FAM174B: variants seen among roughly 807,000 people sequenced by gnomAD.
FAM174B encodes family with sequence similarity 174 member B, also known as membrane protein FAM174B.
Under a neutral mutation model 10.9 loss-of-function variants are expected in FAM174B, and 12 were observed. That is an observed-to-expected ratio of 1.10 (90% CI 0.71 to 1.79). The LOEUF is 1.79. Ranked by LOEUF, FAM174B falls within the 40% of genes most tolerant of loss-of-function variation. The probability of loss-of-function intolerance (pLI) is 0.00; values close to 1 mark genes in which losing one functional copy is unlikely to be tolerated. For synonymous variants in FAM174B, 132 were observed against 115.8 expected (o/e 1.14, Z -0.90); for missense variants, 266 against 233.3 (o/e 1.14, Z -0.91).
intron 1 of FAM174B, among the ~76,000 whole-genome samples, chr15:92,631,388 T>A (rs796106273): frequency 2.8e-5 from 1 of 36,058 alleles, no homozygotes; most frequent in Admixed American, 5.0e-4. Context: ...ATATTATATA[T>A]TATATATTAT....
intron 2 of FAM174B, among the ~76,000 whole-genome samples, chr15:92,629,515 G>A (rs1298155313): frequency 6.6e-6 from 1 of 152,154 alleles, no homozygotes; most frequent in Non-Finnish European, 1.5e-5. Flanking sequence ...TTTCTGTTTG[G>A]GTGCCTGGTG....
At chr15:92,628,164 T>C (rs1425177940) in intron 2 of FAM174B, among the ~76,000 whole-genome samples, 1 of 141,118 alleles carries the variant, frequency 7.1e-6, no homozygotes, top group Non-Finnish European at 1.6e-5. Context: ...ATTGTTTTTT[T>C]CCCAAAATTT....
At chr15:92,637,121 A>C (rs1324744705) in intron 1 of FAM174B, among the ~76,000 whole-genome samples, 1 of 152,166 alleles carries the variant, frequency 6.6e-6, no homozygotes, top group Non-Finnish European at 1.5e-5. Flanking sequence ...CTGGAGCCTG[A>C]GCCAATCCAG....
In FAM174B at chr15:92,642,354, C is replaced by T. The variant is rs187834626; in HGVS notation, c.345-12009G>A. On this transcript the variant is annotated intron_variant, in intron 1 of 2. Coordinates refer to ENST00000327355, the MANE Select transcript of FAM174B (RefSeq NM_207446.3). ...ATCAAAATACATGTCCACACAAAAA[C>T]TCATATACTTGTTCAGAGCAGCATT... 1.2e-3 allele frequency among the ~76,000 whole-genome samples: 179 copies of T among 152,306 alleles called. 1 individual carries two copies. Among genetic ancestry groups the T allele is most frequent in the African/African-American group, 4.2e-3 (173 of 41,568 alleles).
chr15:92,630,607 G>A (rs568647903), intron 1 of FAM174B, among the ~76,000 whole-genome samples: 10 of 151,368 alleles, frequency 6.6e-5, no homozygotes, highest in Non-Finnish European at 1.2e-4. Flanking sequence ...GACCGACCTC[G>A]CTAACCCTTA....
intron 2 of FAM174B, among the ~76,000 whole-genome samples, chr15:92,621,490 T>C (rs1176933037): frequency 1.3e-5 from 2 of 151,784 alleles, no homozygotes. Flanking sequence ...CTTGTGCCTG[T>C]AGTCCCAGCT....
At position 92,631,179 on chromosome 15, in the gene FAM174B, TTATATTATATATTATATATATTACA is replaced by T. The variant is rs1567045001; in HGVS notation, c.345-859_345-835del. Among the ~76,000 whole-genome samples the T allele has an allele frequency of 1.5e-3, 43 of 27,860 alleles. 9 individuals carry two copies. The highest frequency in any genetic ancestry group is 3.8e-3 in the African/African-American group (38 of 10,076). 18.3% of individuals were successfully genotyped at this position (27,860 alleles called of 152,430 possible). Reference sequence around the variant, plus strand: ...TATATATTATATAATAATTTATATATTATATTATATATTATATATATTACATATATTATATATTATATTATATATA... The same window carrying T: ...TATATATTATATAATAATTTATATATTATATTATATATTATATTATATATA... On this transcript the variant is annotated intron_variant, in intron 1 of 2. Transcript: ENST00000327355.
chr15:92,651,487 G>A (rs2050966322), intron 1 of FAM174B, among the ~76,000 whole-genome samples: 1 of 152,218 alleles, frequency 6.6e-6, no homozygotes, highest in African/African-American at 2.4e-5. Flanking sequence ...CAGACACACA[G>A]ATTTATCTGC....
chr15:92,630,000 C>A (rs188992076), intron 2 of FAM174B, among the ~76,000 whole-genome samples: 2 of 152,266 alleles, frequency 1.3e-5, no homozygotes, highest in Admixed American at 1.3e-4. Flanking sequence ...TCAATTAAAC[C>A]TCTCTTTATA....
At chr15:92,639,685 G>A (rs138578675) in intron 1 of FAM174B, among the ~76,000 whole-genome samples, 7 of 152,206 alleles carry the variant, frequency 4.6e-5, no homozygotes, top group South Asian at 2.1e-4. Flanking sequence ...CATCCTCTTC[G>A]CGCTGTTCTT....
At chr15:92,649,070 A>G (rs555784936) in intron 1 of FAM174B, among the ~76,000 whole-genome samples, 1 of 152,184 alleles carries the variant, frequency 6.6e-6, no homozygotes, top group Non-Finnish European at 1.5e-5. Flanking sequence ...AGATACTGAC[A>G]TTGGAGTTCC....
intron 1 of FAM174B, among the ~76,000 whole-genome samples, chr15:92,636,354 C>T (rs285758): frequency 0.17 from 26,106 of 152,106 alleles, 2,370 homozygotes; most frequent in Middle Eastern, 0.25. Flanking sequence ...TTAACTTTTC[C>T]TGGGTGCCAG....
intron 1 of FAM174B, chr15:92,639,192 C>T (rs9972374): frequency 0.59 from 89,024 of 152,158 alleles, 27,704 homozygotes; most frequent in East Asian, 0.71. Context: ...CCCTACGACT[C>T]GGCATTCAAC....
At chr15:92,629,248 C>T (rs931635684) in intron 2 of FAM174B, among the ~76,000 whole-genome samples, 12 of 152,194 alleles carry the variant, frequency 7.9e-5, no homozygotes, top group Admixed American at 2.6e-4. Flanking sequence ...TCTGGGTCTT[C>T]GAGCCCTCGT....
intron 2 of FAM174B, among the ~76,000 whole-genome samples, chr15:92,623,076 A>G (rs2050730021): frequency 6.6e-6 from 1 of 151,838 alleles, no homozygotes; most frequent in South Asian, 2.1e-4. Flanking sequence ...GAATCACTTG[A>G]TCCCGGGAGG....
At chr15:92,635,480 C>T (rs544056994) in intron 1 of FAM174B, among the ~76,000 whole-genome samples, 1 of 151,584 alleles carries the variant, frequency 6.6e-6, no homozygotes, top group African/African-American at 2.4e-5. Context: ...AGGGTCTTCG[C>T]GGATGGTAGC....
At chr15:92,619,830 G>A (rs747662309) in intron 2 of FAM174B, 51 of 285,358 alleles carry the variant, frequency 1.8e-4, no homozygotes, top group Non-Finnish European at 2.8e-4. Flanking sequence ...CCACAATCAC[G>A]GTGATAACTC....
In FAM174B at chr15:92,630,233, C is replaced by A; in HGVS notation, c.457G>T (p.Val153Leu). The change falls in exon 2 of 3, where the codon GTA becomes TTA. Residue 153 changes from valine to leucine, a missense_variant. By Grantham distance (32) the Val-to-Leu change is conservative (BLOSUM62 1). Coordinates refer to ENST00000327355, the MANE Select transcript of FAM174B (RefSeq NM_207446.3). Reference sequence around the variant, plus strand: ...CTGTACCTGTATTTGATGTCGAATACTGTGGAGTCCTCATCTTCATCATCC... The same window carrying A: ...CTGTACCTGTATTTGATGTCGAATAATGTGGAGTCCTCATCTTCATCATCC... ...EEDDEDEDST[V>L]FDIKYR 6.2e-7 allele frequency: 1 copy of A among 1,613,776 alleles called. No homozygotes were observed. Among genetic ancestry groups the A allele is most frequent in the Non-Finnish European group, 8.5e-7 (1 of 1,179,788 alleles).
chr15:92,654,756 C>T (rs1465990875), intron 1 of FAM174B, among the ~76,000 whole-genome samples: 6 of 151,148 alleles, frequency 4.0e-5, no homozygotes, highest in Non-Finnish European at 8.8e-5. Context: ...ATTCTACTAC[C>T]CCCCACACTA....
Sources: allele counts gnomAD v4.1 joint callset (sites outside exome capture counted in the v4.1 genomes callset), GRCh38; gene constraint gnomAD v4.1.1; transcripts MANE v1.5; gene names NCBI Gene and HGNC (gene_info 2026-07-23, HGNC 2026-07-21).